Variants in PDE6B observed in about 807,000 individuals in gnomAD.
The protein encoded by PDE6B is rod cGMP-specific 3',5'-cyclic phosphodiesterase subunit beta.
In PDE6B, 106 loss-of-function variants were observed where a neutral mutation model predicts 109.0. The observed-to-expected ratio is 0.97, with a 90% CI of 0.83 to 1.14. PDE6B has a LOEUF of 1.14. Ranked by LOEUF, PDE6B falls within the 50% of genes most tolerant of loss-of-function variation. The pLI, the probability that PDE6B is intolerant of heterozygous loss-of-function variation, is 0.00. For missense variants in PDE6B, 1,193 were observed against 1,155.6 expected, an observed-to-expected ratio of 1.03 and a Z score of -0.47; for synonymous variants, 490 against 471.3, an observed-to-expected ratio of 1.04 and a Z score of -0.51.
Position 662,268 on chromosome 4 carries a change from TTGTGC to T in PDE6B, c.1722+28_1722+32del. The T allele has an allele frequency of 1.5e-6, 2 of 1,294,018 alleles. No homozygotes were observed. The highest frequency in any genetic ancestry group is 2.2e-6 in the Non-Finnish European group (2 of 911,606). The allele number at this position is 1,294,018 out of a possible 1,614,324, so 80.2% of individuals were successfully genotyped here. ...TACGTGGCTGCCAGAATCACCAGGG[TTGTGC>T]AGGCCCTCCTGGTACCAAGGGCAGC... On this transcript the variant is annotated intron_variant, in intron 13 of 21. Coordinates refer to ENST00000496514, the MANE Select transcript of PDE6B (RefSeq NM_000283.4). This position sits in a 1 kb window ranked among gnomAD's most constrained non-coding sequence, Gnocchi z 4.3.
intron 3 of PDE6B, among the ~76,000 whole-genome samples, chr4:644,147 G>A (rs1223969647): frequency 2.6e-5 from 4 of 151,686 alleles, no homozygotes; most frequent in African/African-American, 4.9e-5. Flanking sequence ...TCGATCTCTC[G>A]ACCTCGTGAT....
At chr4:656,059 C>A in intron 7 of PDE6B, 53 bp downstream of exon 7, 1 of 1,201,526 alleles carries the variant, frequency 8.3e-7, no homozygotes, top group Non-Finnish European at 1.2e-6. Context: ...CTGGGTGCGG[C>A]GATGTGTGCT....
At chr4:643,506 T>G (rs1400015271) in intron 3 of PDE6B, among the ~76,000 whole-genome samples, 1 of 152,144 alleles carries the variant, frequency 6.6e-6, no homozygotes, top group Non-Finnish European at 1.5e-5. Context: ...TTCCTAAATG[T>G]TTGGTCAGAT....
chr4:664,369 C>T (rs1028021659), intron 17 of PDE6B, 148 bp downstream of exon 17: 7 of 691,978 alleles, frequency 1.0e-5, no homozygotes, highest in Middle Eastern at 3.8e-4. Flanking sequence ...GAAACAAATG[C>T]GCCGTCCTTA....
In PDE6B at chr4:662,844, A is replaced by T. The variant is rs1332589318; in HGVS notation, c.1832+226A>T. Among the ~76,000 whole-genome samples the T allele has an allele frequency of 2.0e-5, 3 of 151,668 alleles. No individual in the cohort carries two copies. Among genetic ancestry groups the T allele is most frequent in the African/African-American group, 7.3e-5 (3 of 41,318 alleles). On this transcript the variant is annotated intron_variant, in intron 14 of 21. Transcript: ENST00000496514. This position sits in a 1 kb window ranked among gnomAD's most constrained non-coding sequence, Gnocchi z 4.3. ...TCCTCTACAAAAACTTAAAAAAAAA[A>T]AAAAAAAAAAAAGCTGTGTATGGTG...
At chr4:640,000 A>C (rs1248160100) in intron 3 of PDE6B, among the ~76,000 whole-genome samples, 1 of 151,770 alleles carries the variant, frequency 6.6e-6, no homozygotes, top group Non-Finnish European at 1.5e-5. Flanking sequence ...TCCATCTCCA[A>C]AAAAATAAAA....
rs1315938679 is a variant in PDE6B at position 665,323 on chromosome 4, G to A, written c.2262G>A (p.Gln754=). ...GDLERTVLDQ[Q]PIPMMDRNKA... Reference sequence around the variant, plus strand: ...TGGAAAGGACAGTCTTGGATCAGCAGCCCATTGTGAGTGCTGCTTCTGGAA... The same window carrying A: ...TGGAAAGGACAGTCTTGGATCAGCAACCCATTGTGAGTGCTGCTTCTGGAA... The change falls in exon 19 of 22, where the codon CAG becomes CAA. Residue 754 remains glutamine, a synonymous_variant. Coordinates refer to ENST00000496514, the MANE Select transcript of PDE6B (RefSeq NM_000283.4). This position sits in a 1 kb window ranked among gnomAD's most constrained non-coding sequence, Gnocchi z 4.0. The A allele has an allele frequency of 1.2e-6, 2 of 1,610,150 alleles. No individual in the cohort carries two copies. The highest frequency in any genetic ancestry group is 3.3e-5 in the Admixed American group (2 of 60,000).
At chr4:644,959 T>C (rs547705610) in intron 3 of PDE6B, among the ~76,000 whole-genome samples, 17 of 152,240 alleles carry the variant, frequency 1.1e-4, no homozygotes, top group African/African-American at 3.9e-4. Context: ...CATCAGCTTT[T>C]GCTTCATGTG....
At chr4:643,457 A>G (rs1290614478) in intron 3 of PDE6B, among the ~76,000 whole-genome samples, 3 of 151,998 alleles carry the variant, frequency 2.0e-5, no homozygotes, top group Admixed American at 6.6e-5. Context: ...CTCTGCTTCT[A>G]TTTTTTGGAA....
chr4:653,330 G>T, intron 3 of PDE6B: 1 of 1,073,188 alleles, frequency 9.3e-7, no homozygotes, highest in South Asian at 2.9e-5. Flanking sequence ...GTGAGTCTGA[G>T]CCTGGTGGCA....
chr4:665,476 A>G lies in PDE6B; in HGVS notation c.2268+147A>G, dbSNP rs1737690968. On this transcript the variant is annotated intron_variant, in intron 19 of 21. Coordinates refer to ENST00000496514, the MANE Select transcript of PDE6B (RefSeq NM_000283.4). The surrounding 1 kb of genome is among the most constrained non-coding windows in gnomAD (Gnocchi z 4.0). ...ATCTCACTTTGTGGGATCATGTGACATGCGTGTGGGTGGCTCGGACCTGGG... is the reference window on the plus strand; with the variant it reads ...ATCTCACTTTGTGGGATCATGTGACGTGCGTGTGGGTGGCTCGGACCTGGG... 1 of 705,322 alleles carries G rather than the reference A, an allele frequency of 1.4e-6. No homozygotes were observed. The highest frequency in any genetic ancestry group is 2.7e-5 in the East Asian group (1 of 36,562). The allele number at this position is 705,322 out of a possible 1,614,324, so 43.7% of individuals were successfully genotyped here.
At chr4:627,306 C>T (rs369480338) in intron 1 of PDE6B, among the ~76,000 whole-genome samples, 6 of 152,160 alleles carry the variant, frequency 3.9e-5, no homozygotes, top group Admixed American at 6.5e-5. Context: ...CCACCACACC[C>T]GGCTAATTTT....
intron 3 of PDE6B, among the ~76,000 whole-genome samples, chr4:651,029 A>G (rs975318899): frequency 2.0e-5 from 3 of 151,984 alleles, no homozygotes; most frequent in Non-Finnish European, 4.4e-5. Flanking sequence ...TGTCAACGGC[A>G]GTGGGGCTGT....
At chr4:643,442 G>A (rs1735039212) in intron 3 of PDE6B, among the ~76,000 whole-genome samples, 1 of 152,198 alleles carries the variant, frequency 6.6e-6, no homozygotes, top group African/African-American at 2.4e-5. Flanking sequence ...AGATAAGAGT[G>A]TTTCCTCTGC....
In PDE6B at chr4:659,017, G is replaced by C. The variant is rs1736707979; in HGVS notation, c.1467G>C (p.Leu489=). The C allele has an allele frequency of 2.5e-6, 4 of 1,612,088 alleles. No homozygotes were observed. The highest frequency in any genetic ancestry group is 3.4e-6 in the Non-Finnish European group (4 of 1,178,500). The change falls in exon 11 of 22, where the codon CTG becomes CTC. Residue 489 remains leucine, a splice_region_variant and synonymous_variant. Coordinates refer to ENST00000496514, the MANE Select transcript of PDE6B (RefSeq NM_000283.4). ...ATGAGGACGAGCTGGGCGAAATCCT[G>C]GTAAGAACCTTGCTCCCGTCCCTCC... The part of the protein sequence containing the change: ...DCDEDELGEI[L]KEELPGPTTF...
chr4:661,126 G>A (rs1737057468), intron 12 of PDE6B: 1 of 152,048 alleles, frequency 6.6e-6, no homozygotes, highest in South Asian at 2.1e-4. Flanking sequence ...TGATAGATGA[G>A]TAGGTGGGTC....
intron 20 of PDE6B, among the ~76,000 whole-genome samples, chr4:667,357 G>C (rs1186645671): frequency 6.6e-6 from 1 of 152,160 alleles, no homozygotes; most frequent in East Asian, 1.9e-4. Flanking sequence ...GACAAGGGTG[G>C]ATATTTGGGC....
At chr4:664,053 C>A in intron 16 of PDE6B, 61 bp from the exon 17 acceptor site, 2 of 1,271,170 alleles carry the variant, frequency 1.6e-6, no homozygotes, top group Non-Finnish European at 2.3e-6. Context: ...TGCAGACGGG[C>A]GCTTGGGGCG....
At position 630,233 on chromosome 4, in the gene PDE6B, C is replaced by T. The variant is rs374639441; in HGVS notation, c.468+4139C>T. Among the ~76,000 whole-genome samples, 499 of 152,178 alleles carry T rather than the reference C, an allele frequency of 3.3e-3. 3 individuals carry two copies. The highest frequency in any genetic ancestry group is 0.011 in the African/African-American group (466 of 41,460). ...GACAGGGAGGCCGAGGGATCCATCCCTGTGGCCGAGGGGAGTTTGCAGGGC... is the reference window on the plus strand; with the variant it reads ...GACAGGGAGGCCGAGGGATCCATCCTTGTGGCCGAGGGGAGTTTGCAGGGC... On this transcript the variant is annotated intron_variant, in intron 1 of 21. Coordinates refer to ENST00000496514, the MANE Select transcript of PDE6B (RefSeq NM_000283.4).
Sources: allele counts gnomAD v4.1 joint callset (sites outside exome capture counted in the v4.1 genomes callset), GRCh38; gene constraint gnomAD v4.1.1; non-coding constraint Gnocchi (gnomAD v3.1); transcripts MANE v1.5; gene names NCBI Gene and HGNC (gene_info 2026-07-23, HGNC 2026-07-21).